The following TLN2 variants were observed in gnomAD, a reference collection of about 807,000 sequenced individuals.
TLN2 encodes the protein talin 2, also known as talin-2.
TLN2 carries 118 observed loss-of-function variants against 294.7 expected under a neutral mutation model. The observed-to-expected ratio is 0.40, with a 90% confidence interval of 0.34 to 0.47. The LOEUF is 0.47. Among genes scored for constraint, TLN2 ranks in the 20% least tolerant of loss-of-function variants. The pLI, the probability that TLN2 is intolerant of heterozygous loss-of-function variation, is 0.84. For synonymous variants in TLN2, 1,431 were observed against 1,304.5 expected (o/e 1.10, Z -2.09); for missense variants, 3,083 against 3,282.2 (o/e 0.94, Z 1.48).
At position 62,657,655 on chromosome 15, in the gene TLN2, T is replaced by C. The variant is rs1238144469; in HGVS notation, c.661-116T>C. On this transcript the variant is annotated intron_variant, in intron 8 of 58. Coordinates refer to ENST00000636159, the MANE Select transcript of TLN2 (RefSeq NM_015059.3). Reference sequence around the variant, plus strand: ...GTGTCCTGCACATGTCACCGTGGGTTGGCTGGCACTGTCCCCTGCTCCACA... The same window carrying C: ...GTGTCCTGCACATGTCACCGTGGGTCGGCTGGCACTGTCCCCTGCTCCACA... 2.1e-6 allele frequency: 3 copies of C among 1,438,520 alleles called. No homozygotes were observed. The Admixed American group carries it at 7.7e-5, about 37-fold the overall frequency. The allele number at this position is 1,438,520 out of a possible 1,614,324, so 89.1% of individuals were successfully genotyped here.
chr15:62,459,693 T>G (rs2036683984), intron 1 of TLN2, among the ~76,000 whole-genome samples: 1 of 152,072 alleles, frequency 6.6e-6, no homozygotes, highest in African/African-American at 2.4e-5. Flanking sequence ...TAACTTTGAG[T>G]TGAGTCTTAG....
chr15:62,767,426 C>G (rs1337962466), intron 41 of TLN2, among the ~76,000 whole-genome samples: 2 of 151,940 alleles, frequency 1.3e-5, no homozygotes, highest in African/African-American at 4.8e-5. Context: ...ACCACAACCT[C>G]CGCCTCCCGG....
intron 58 of TLN2, 23 bp downstream of exon 58, chr15:62,839,004 G>C (rs1567724288): frequency 6.2e-7 from 1 of 1,610,404 alleles, no homozygotes; most frequent in South Asian, 1.1e-5. Flanking sequence ...ATCAAGAATA[G>C]TATTTACTTC....
rs2039290855 is a variant in TLN2, at chr15:62,501,251, C to T, written c.-237-88436C>T. Among the ~76,000 whole-genome samples, 3 of 152,124 alleles carry T rather than the reference C, an allele frequency of 2.0e-5. No individual in the cohort carries two copies. The South Asian group carries it at 6.2e-4, about 32-fold the overall frequency. ...CTTGGCCAAAAGAAGTGGATTGGGT[C>T]ATCTTTTGGCATCAGGGCTATGCAA... On this transcript the variant is annotated intron_variant, in intron 1 of 58. Coordinates refer to ENST00000636159, the MANE Select transcript of TLN2 (RefSeq NM_015059.3).
intron 26 of TLN2, 114 bp downstream of exon 26, chr15:62,722,601 T>A: frequency 7.6e-7 from 1 of 1,310,864 alleles, no homozygotes; most frequent in Non-Finnish European, 1.0e-6. Context: ...TTGTCCATTC[T>A]ACTTGCATGA....
intron 51 of TLN2, among the ~76,000 whole-genome samples, chr15:62,808,629 A>G (rs894932903): frequency 3.9e-5 from 6 of 152,206 alleles, no homozygotes; most frequent in East Asian, 1.9e-4. Context: ...GGGCTTGCAC[A>G]TAACCTGCTG....
chr15:62,686,849 G>T, intron 12 of TLN2, 53 bp downstream of exon 12: 1 of 1,597,894 alleles, frequency 6.3e-7, no homozygotes. Flanking sequence ...GAGTGATATT[G>T]TGGGGACAGG....
intron 1 of TLN2, among the ~76,000 whole-genome samples, chr15:62,541,660 G>A (rs2899680): frequency 0.52 from 78,718 of 151,880 alleles, 21,381 homozygotes; most frequent in African/African-American, 0.69. Flanking sequence ...AGCCATAGAC[G>A]GCACACCTGA....
At chr15:62,508,590 A>T (rs189193722) in intron 1 of TLN2, among the ~76,000 whole-genome samples, 1 of 152,256 alleles carries the variant, frequency 6.6e-6, no homozygotes, top group Non-Finnish European at 1.5e-5. Flanking sequence ...AAAATGACCA[A>T]ATTTTCTATC....
chr15:62,640,982 G>A (rs1596456408), intron 3 of TLN2, among the ~76,000 whole-genome samples: 1 of 151,498 alleles, frequency 6.6e-6, no homozygotes, highest in African/African-American at 2.4e-5. Flanking sequence ...TTGTATTTTT[G>A]GTAGAGATGG....
intron 3 of TLN2, among the ~76,000 whole-genome samples, chr15:62,628,580 C>G (rs7183213): frequency 0.86 from 130,967 of 152,270 alleles, 57,012 homozygotes; most frequent in East Asian, 0.95. Flanking sequence ...TTTTCAGTCT[C>G]CATTTTTGAC....
rs527773146 is a variant in TLN2 at position 62,611,198 on chromosome 15, T to C, written c.-161-7153T>C. Among the ~76,000 whole-genome samples the C allele has an allele frequency of 7.3e-4, 111 of 152,228 alleles. 1 individual carries two copies. Among genetic ancestry groups the C allele is most frequent in the Admixed American group, 1.2e-3 (19 of 15,286 alleles). On this transcript the variant is annotated intron_variant, in intron 2 of 58. Transcript: ENST00000636159. ...CTCTTTATATCCTCATAATTGAAAA[T>C]AATGCAAGTGTCATCAAAATTAAGA...
intron 52 of TLN2, among the ~76,000 whole-genome samples, chr15:62,818,559 A>G: frequency 6.6e-6 from 1 of 152,192 alleles, no homozygotes; most frequent in Admixed American, 6.5e-5. Flanking sequence ...TTTTAAATCC[A>G]TAAAAAACAG....
chr15:62,810,034 T>C lies in TLN2; in HGVS notation c.6771+2T>C, dbSNP rs774195391. The C allele has an allele frequency of 6.2e-7, 1 of 1,613,370 alleles. No individual in the cohort carries two copies. Among genetic ancestry groups the C allele is most frequent in the Non-Finnish European group, 8.5e-7 (1 of 1,179,448 alleles). ...GACCTCCTGGAGCACGTCTTGGTGG[T>C]AAGAAAGCGCATGAGTCAGGGCTGG... is the stretch of plus-strand genomic sequence containing the variant. On this transcript the variant is annotated splice_donor_variant, in intron 52 of 58. Coordinates refer to ENST00000636159, the MANE Select transcript of TLN2 (RefSeq NM_015059.3). LOFTEE classifies it high-confidence loss of function.
In TLN2 at chr15:62,411,429, A is replaced by ATGTGTGTGTGTG. The variant is rs71125998; in HGVS notation, c.-238+20780_-238+20791dup. Reference sequence around the variant, plus strand: ...CCTCCTTAGAGAGTGTGAGTAATGGATGTGTGTGTGTGTGTGTGTGTGTGT... The same window carrying ATGTGTGTGTGTG: ...CCTCCTTAGAGAGTGTGAGTAATGGATGTGTGTGTGTGTGTGTGTGTGTGTGTGTGTGTGTGT... On this transcript the variant is annotated intron_variant, in intron 1 of 58. Transcript: ENST00000636159. Among the ~76,000 whole-genome samples the ATGTGTGTGTGTG allele has an allele frequency of 4.1e-3, 557 of 136,676 alleles. 5 individuals carry two copies. The highest frequency in any genetic ancestry group is 0.017 in the East Asian group (80 of 4,726). 89.7% of individuals were successfully genotyped at this position (136,676 alleles called of 152,430 possible).
chr15:62,801,481 A>G lies in TLN2; in HGVS notation c.6477+712A>G, dbSNP rs575499704. ...TGATAGGAGGTCTGATCACAGATTC[A>G]ACTTTTTTGGGAAAGAGGGATACCT... On this transcript the variant is annotated intron_variant, in intron 50 of 58. Transcript: ENST00000636159. Among the ~76,000 whole-genome samples, 13 of 152,356 alleles carry G rather than the reference A, an allele frequency of 8.5e-5. 1 individual carries two copies. The South Asian group carries it at 2.5e-3, about 29-fold the overall frequency.
intron 48 of TLN2, among the ~76,000 whole-genome samples, chr15:62,798,865 A>C (rs1346722618): frequency 2.6e-5 from 4 of 152,226 alleles, no homozygotes; most frequent in African/African-American, 4.8e-5. Flanking sequence ...ATCAGAGTCC[A>C]GATTGGCTGC....
At chr15:62,605,355 A>C (rs1330248357) in intron 2 of TLN2, among the ~76,000 whole-genome samples, 1 of 152,252 alleles carries the variant, frequency 6.6e-6, no homozygotes, top group East Asian at 1.9e-4. Flanking sequence ...TTACAAATTT[A>C]ATAAACTAGT....
In TLN2 at chr15:62,551,604, C is replaced by G. The variant is rs188896363; in HGVS notation, c.-237-38083C>G. Among the ~76,000 whole-genome samples the G allele has an allele frequency of 7.9e-5, 12 of 152,154 alleles. No homozygotes were observed. The East Asian group carries it at 2.3e-3, about 29-fold the overall frequency. Reference sequence around the variant, plus strand: ...ATCCCAGCTACTCGGGAGGCTAAGGCAGGAGAATCACTTGAACCTGGGAGA... The same window carrying G: ...ATCCCAGCTACTCGGGAGGCTAAGGGAGGAGAATCACTTGAACCTGGGAGA... On this transcript the variant is annotated intron_variant, in intron 1 of 58. Coordinates refer to ENST00000636159, the MANE Select transcript of TLN2 (RefSeq NM_015059.3).
Sources: gnomAD v4.1 joint callset for allele counts (sites outside exome capture counted in the v4.1 genomes callset) on GRCh38, gnomAD v4.1.1 for gene constraint, MANE v1.5 for transcripts, NCBI Gene and HGNC (gene_info 2026-07-23, HGNC 2026-07-21) for gene names.